The following LMO7 variants were observed in gnomAD, a reference collection of about 807,000 sequenced individuals.
LMO7 encodes the protein LIM domain 7.
LMO7 carries 120 observed loss-of-function variants against 206.5 expected under a neutral mutation model. The observed-to-expected ratio is 0.58, with a 90% confidence interval of 0.50 to 0.68. LMO7 has a LOEUF of 0.68. LMO7 is among the 30% of genes least tolerant of loss of function. The probability of loss-of-function intolerance (pLI) is 0.00; values close to 1 mark genes in which losing one functional copy is unlikely to be tolerated. For synonymous variants in LMO7, 706 were observed against 681.5 expected (o/e 1.04, Z -0.56); for missense variants, 1,959 against 1,957.9 (o/e 1.00, Z -0.01).
At chr13:75,625,690 A>G (rs1566247907) in intron 2 of LMO7, among the ~76,000 whole-genome samples, 1 of 152,228 alleles carries the variant, frequency 6.6e-6, no homozygotes, top group Non-Finnish European at 1.5e-5. Flanking sequence ...GATTTATAGT[A>G]GAGTCATGGA....
At chr13:75,758,827 T>A (rs77116292) in intron 3 of LMO7, among the ~76,000 whole-genome samples, 6 of 152,206 alleles carry the variant, frequency 3.9e-5, no homozygotes, top group African/African-American at 1.4e-4. Context: ...TTGTAATACT[T>A]TAAACATTCA....
chr13:75,810,688 A>G (rs994111861), intron 11 of LMO7, among the ~76,000 whole-genome samples: 4 of 152,250 alleles, frequency 2.6e-5, no homozygotes, highest in African/African-American at 9.6e-5. Context: ...TAACTTTATA[A>G]TGTAAGCAGC....
chr13:75,797,745 A>G (rs531988401), intron 6 of LMO7, among the ~76,000 whole-genome samples: 12 of 152,354 alleles, frequency 7.9e-5, no homozygotes, highest in African/African-American at 2.9e-4. Flanking sequence ...CATGTATTAT[A>G]GCAAGAGGTG....
At chr13:75,843,260 C>T (rs1417397969) in intron 25 of LMO7, among the ~76,000 whole-genome samples, 1 of 152,120 alleles carries the variant, frequency 6.6e-6, no homozygotes, top group Non-Finnish European at 1.5e-5. Flanking sequence ...ACAACTGGGT[C>T]ATGTGCCTTT....
At position 75,858,938 on chromosome 13, in the gene LMO7, GGA is replaced by G. The variant is rs1410181316; in HGVS notation, c.*996_*997del. 2.0e-5 allele frequency: 3 copies of G among 152,184 alleles called. No individual in the cohort carries two copies. The highest frequency in any genetic ancestry group is 4.4e-5 in the Non-Finnish European group (3 of 67,998). The allele number at this position is 152,184 out of a possible 1,614,324, so 9.4% of individuals were successfully genotyped here. Reference sequence around the variant, plus strand: ...TTATTTTTGATAAAGTTATGTTTTTGGATACAATATATTTGTATGGTGAGAGT... The same window carrying G: ...TTATTTTTGATAAAGTTATGTTTTTGTACAATATATTTGTATGGTGAGAGT... On this transcript the variant is annotated 3_prime_UTR_variant, in exon 31 of 31. Coordinates refer to ENST00000377534, the MANE Select transcript of LMO7 (RefSeq NM_001306080.2).
intron 1 of LMO7, among the ~76,000 whole-genome samples, chr13:75,661,282 A>G (rs1292669312): frequency 6.6e-6 from 1 of 152,250 alleles, no homozygotes. Context: ...AGATGTATTA[A>G]ATGAAATATT....
In LMO7 at chr13:75,794,391, G is replaced by A. The variant is rs370956737; in HGVS notation, c.318-1010G>A. Among the ~76,000 whole-genome samples, 136 of 152,104 alleles carry A rather than the reference G, an allele frequency of 8.9e-4. 5 individuals carry two copies. In the South Asian group the frequency reaches 0.027, roughly 31 times the overall value. ...ACAAGTTTGTTTTCTGGAAAGGAAT[G>A]GTCTTAGTTGCCTTGTTGATTCTTT... On this transcript the variant is annotated intron_variant, in intron 4 of 30. Transcript: ENST00000377534.
chr13:75,718,772 G>T (rs936051439), intron 2 of LMO7, among the ~76,000 whole-genome samples: 1 of 152,136 alleles, frequency 6.6e-6, no homozygotes, highest in Non-Finnish European at 1.5e-5. Context: ...CACTGCTGTA[G>T]AAATCCTCTG....
At chr13:75,781,096 C>CTTTTTTTTTTTTTTTTTGTTT (rs2051285777) in intron 4 of LMO7, among the ~76,000 whole-genome samples, 1 of 41,924 alleles carries the variant, frequency 2.4e-5, no homozygotes, top group Non-Finnish European at 4.1e-5. Flanking sequence ...CTCTATTTTC[C>CTTTTTTTTTTTTTTTTTGTTT]TTTTTTTTTT....
intron 3 of LMO7, among the ~76,000 whole-genome samples, chr13:75,734,981 C>G (rs1035521346): frequency 2.6e-5 from 4 of 151,992 alleles, no homozygotes; most frequent in African/African-American, 9.7e-5. Flanking sequence ...GCCTGTAGTC[C>G]CAGTTGCTGG....
At position 75,855,358 on chromosome 13, in the gene LMO7, A is replaced by G. The variant is rs778397935; in HGVS notation, c.4760A>G (p.His1587Arg). ...IESLGLCYHL[H>R]CFKCVACECD... ...TCCCTGGGTCTTTGTTATCATTTGC[A>G]TTGTTTTAAGGTGAGACTGAGACAA... The change falls in exon 29 of 31, where the codon CAT becomes CGT. Residue 1587 changes from histidine (H) to arginine (R), a missense_variant. Transcript: ENST00000377534. 9.3e-6 allele frequency: 15 copies of G among 1,610,576 alleles called. No individual in the cohort carries two copies. Among genetic ancestry groups the G allele is most frequent in the African/African-American group, 1.3e-5 (1 of 74,908 alleles).
chr13:75,820,015 A>C (rs577218911), intron 13 of LMO7, among the ~76,000 whole-genome samples: 30 of 152,340 alleles, frequency 2.0e-4, no homozygotes, highest in African/African-American at 7.0e-4. Context: ...TACTCTTTGC[A>C]TTGCATCTTA....
At chr13:75,776,180 T>TATATATCGG (rs2050429360) in intron 4 of LMO7, among the ~76,000 whole-genome samples, 9 of 72,340 alleles carry the variant, frequency 1.2e-4, no homozygotes, top group Non-Finnish European at 2.4e-4. Flanking sequence ...TATATATATA[T>TATATATCGG]ATATATATAT....
chr13:75,779,162 C>G (rs554089429), intron 4 of LMO7, among the ~76,000 whole-genome samples: 31 of 152,178 alleles, frequency 2.0e-4, no homozygotes, highest in Admixed American at 2.6e-4. Context: ...CAGGACAGAG[C>G]ATGTGGAAAG....
chr13:75,832,714 G>A (rs879838712), intron 15 of LMO7, among the ~76,000 whole-genome samples: 2 of 152,184 alleles, frequency 1.3e-5, no homozygotes, highest in Admixed American at 1.3e-4. Flanking sequence ...CTTTATTCCT[G>A]GGCAGTGAAT....
chr13:75,805,515 C>CT lies in LMO7; in HGVS notation c.952dup (p.Trp318LeufsTer31). On this transcript the variant is annotated frameshift_variant, in exon 9 of 31. Coordinates refer to ENST00000377534, the MANE Select transcript of LMO7 (RefSeq NM_001306080.2). LOFTEE classifies it high-confidence loss of function. ...GGATTTGGGGCACCAATGTGGAGAA[C>CT]TGGCCAACTGTACAAGGAACTTCAA... The CT allele has an allele frequency of 2.5e-6, 4 of 1,614,010 alleles. No individual in the cohort carries two copies. Among genetic ancestry groups the CT allele is most frequent in the Non-Finnish European group, 2.5e-6 (3 of 1,179,878 alleles).
chr13:75,821,084 T>C, intron 13 of LMO7, 93 bp from the exon 14 acceptor site: 1 of 871,732 alleles, frequency 1.1e-6, no homozygotes. Flanking sequence ...CATCATTTTA[T>C]TCCCAGTCCG....
At chr13:75,763,196 A>G (rs924888941) in intron 4 of LMO7, among the ~76,000 whole-genome samples, 12 of 152,154 alleles carry the variant, frequency 7.9e-5, no homozygotes, top group Admixed American at 5.2e-4. Context: ...TCCAGTTGTC[A>G]TAGCTGGGTG....
At chr13:75,686,895 C>T (rs1033110587) in intron 1 of LMO7, among the ~76,000 whole-genome samples, 5 of 152,060 alleles carry the variant, frequency 3.3e-5, no homozygotes, top group African/African-American at 4.8e-5. Context: ...ACTCTCCATG[C>T]GTCCTCACAT....
Sources: gnomAD v4.1 joint callset for allele counts (sites outside exome capture counted in the v4.1 genomes callset) on GRCh38, gnomAD v4.1.1 for gene constraint, MANE v1.5 for transcripts, NCBI Gene and HGNC (gene_info 2026-07-23, HGNC 2026-07-21) for gene names.